RYR3: variants seen among roughly 807,000 people sequenced by gnomAD.
RYR3 encodes the protein ryanodine receptor 3.
RYR3 carries 207 observed loss-of-function variants against 584.3 expected under a neutral mutation model. The observed-to-expected ratio is 0.35, with a 90% CI of 0.32 to 0.40. The LOEUF is 0.40. Among genes scored for constraint, RYR3 ranks in the 10% least tolerant of loss-of-function variants. The probability of loss-of-function intolerance (pLI) is 1.00; values close to 1 mark genes in which losing one functional copy is unlikely to be tolerated. For synonymous variants in RYR3, 2,416 were observed against 2,248.5 expected (o/e 1.07, Z -2.11); for missense variants, 5,616 against 6,089.2 (o/e 0.92, Z 2.59).
chr15:33,648,728 G>C (rs2062255497), intron 30 of RYR3, among the ~76,000 whole-genome samples: 1 of 152,214 alleles, frequency 6.6e-6, no homozygotes, highest in Admixed American at 6.5e-5. Flanking sequence ...CCCAGGAGAG[G>C]GTTAGGGCTC....
chr15:33,349,706 C>G (rs866744516), intron 1 of RYR3, among the ~76,000 whole-genome samples: 3 of 149,298 alleles, frequency 2.0e-5, no homozygotes, highest in Non-Finnish European at 4.4e-5. Context: ...AACTCGTCAT[C>G]TAGCATTAGG....
Position 33,663,727 on chromosome 15 carries a change from C to A in RYR3, c.5609C>A (p.Pro1870Gln), listed in dbSNP as rs753308511. 3 of 1,605,854 alleles carry A rather than the reference C, an allele frequency of 1.9e-6. No individual in the cohort carries two copies. The highest frequency in any genetic ancestry group is 1.7e-5 in the Admixed American group (1 of 59,248). Residue 1870 changes from proline (P) to glutamine (Q), a missense_variant, in exon 36 of 104, where the codon CCA (proline) becomes CAA (glutamine). This residue lies in a region of RYR3 where 1,280 missense variants were observed against 1,426.2 expected (regional missense o/e 0.90). Transcript: ENST00000634891. ...AAGACCAAGGAGTTCCGCTCACCCC[C>A]ACAGGAGCAGGTGAGGGTCCTTCCT... ...ARKTKEFRSP[P>Q]QEQINMLLNF...
At chr15:33,608,201 T>G (rs2152562426) in intron 18 of RYR3, among the ~76,000 whole-genome samples, 1 of 152,324 alleles carries the variant, frequency 6.6e-6, no homozygotes, top group East Asian at 1.9e-4. Context: ...AAGTTGAGCC[T>G]CTAGTAAAAT....
chr15:33,817,907 GA>G (rs1360901921), intron 75 of RYR3, among the ~76,000 whole-genome samples: 1 of 152,162 alleles, frequency 6.6e-6, no homozygotes, highest in East Asian at 1.9e-4. Flanking sequence ...GCCACTGCTA[GA>G]AAATTCACTT....
At position 33,649,209 on chromosome 15, in the gene RYR3, G is replaced by A. The variant is rs1378593404; in HGVS notation, c.4116G>A (p.Gly1372=). The change falls in exon 31 of 104, where the codon GGG becomes GGA. Residue 1372 remains glycine (G), a synonymous_variant. Transcript: ENST00000634891. ...NKNCTVTVTL[G]DERGRVHESV... is the part of the protein sequence containing the mutation. ...ACTGCACAGTGACTGTCACCCTAGG[G>A]GATGAAAGAGGCCGGGTCCATGAAA... is the stretch of plus-strand genomic sequence containing the variant. 1 of 1,613,204 alleles carries A rather than the reference G, an allele frequency of 6.2e-7. No homozygotes were observed. The highest frequency in any genetic ancestry group is 1.3e-5 in the African/African-American group (1 of 74,904).
chr15:33,556,191 G>T (rs913510485), intron 10 of RYR3, among the ~76,000 whole-genome samples: 1 of 152,106 alleles, frequency 6.6e-6, no homozygotes, highest in Non-Finnish European at 1.5e-5. Context: ...GTAAACACAG[G>T]TGGCTTAATT....
chr15:33,699,786 T>C lies in RYR3; in HGVS notation c.6332T>C (p.Met2111Thr), dbSNP rs1303843073. ...CRISRQNQKA[M>T]FEHLSYLLEN... ...ATTAGCCGGCAAAATCAGAAGGCCA[T>C]GTTTGAGCATCTGAGTTATCTTCTG... Residue 2111 changes from methionine (M) to threonine (T), a missense_variant, in exon 41 of 104, where the codon ATG (methionine) becomes ACG (threonine). Around this residue, in one of 9 missense-constraint regions of RYR3, gnomAD observed 1,280 missense variants for 1,426.2 expected, o/e 0.90. Transcript: ENST00000634891. 4 of 1,613,752 alleles carry C rather than the reference T, an allele frequency of 2.5e-6. No homozygotes were observed. The highest frequency in any genetic ancestry group is 1.7e-5 in the Admixed American group (1 of 60,000).
intron 31 of RYR3, among the ~76,000 whole-genome samples, chr15:33,650,799 G>A (rs1051441019): frequency 1.3e-5 from 2 of 152,088 alleles, no homozygotes; most frequent in African/African-American, 4.8e-5. Context: ...CCTATAAGTG[G>A]ACCCACATAT....
rs1449808083 is a variant in RYR3 at position 33,623,848 on chromosome 15, T to G, written c.2399T>G (p.Phe800Cys). ...GGTGGACGTCATGGAGAGTTTAAGT[T>G]CCTGCCTCCCTCTGGCTATGCCCCT... ...LMGGRHGEFK[F>C]LPPSGYAPCY... is the part of the protein sequence containing the mutation. Residue 800 changes from phenylalanine (F) to cysteine (C), a missense_variant, in exon 20 of 104, where the codon TTC (phenylalanine) becomes TGC (cysteine). Coordinates refer to ENST00000634891, the MANE Select transcript of RYR3 (RefSeq NM_001036.6). The G allele has an allele frequency of 6.2e-7, 1 of 1,613,710 alleles. No individual in the cohort carries two copies. Among genetic ancestry groups the G allele is most frequent in the African/African-American group, 1.3e-5 (1 of 74,940 alleles).
At chr15:33,798,096 A>ATTTTATT (rs1555462256) in intron 67 of RYR3, among the ~76,000 whole-genome samples, 1 of 151,048 alleles carries the variant, frequency 6.6e-6, no homozygotes, top group Non-Finnish European at 1.5e-5. Flanking sequence ...TTATTTATTT[A>ATTTTATT]TTTTTTTTGA....
At chr15:33,723,227 G>A (rs2068081473) in intron 44 of RYR3, among the ~76,000 whole-genome samples, 1 of 152,198 alleles carries the variant, frequency 6.6e-6, no homozygotes, top group Non-Finnish European at 1.5e-5. Flanking sequence ...ACTTCAGCAT[G>A]TTTCCTTCAG....
At position 33,646,435 on chromosome 15, in the gene RYR3, G is replaced by C; in HGVS notation, c.3850G>C (p.Asp1284His). 6.2e-7 allele frequency: 1 copy of C among 1,613,936 alleles called. No individual in the cohort carries two copies. The highest frequency in any genetic ancestry group is 1.7e-5 in the Admixed American group (1 of 60,028). Reference protein sequence around the residue: ...KTFGTQNSNADMIYCRLSMPV... With the variant: ...KTFGTQNSNAHMIYCRLSMPV... ...ATTTGGCACACAGAATAGCAATGCCGACATGATCTATTGCCGCTTGAGCAT... is the reference window on the plus strand; with the variant it reads ...ATTTGGCACACAGAATAGCAATGCCCACATGATCTATTGCCGCTTGAGCAT... The change falls in exon 29 of 104, where the codon GAC (aspartate) becomes CAC (histidine). Residue 1284 changes from aspartate (D) to histidine (H), a missense_variant. Around this residue, in one of 9 missense-constraint regions of RYR3, gnomAD observed 753 missense variants for 741.0 expected, o/e 1.02. Transcript: ENST00000634891.
chr15:33,589,014 A>C (rs937521700), intron 16 of RYR3, among the ~76,000 whole-genome samples: 1 of 152,172 alleles, frequency 6.6e-6, no homozygotes, highest in Non-Finnish European at 1.5e-5. Flanking sequence ...ATCTATTTTT[A>C]GTTCTTTGAG....
chr15:33,341,696 T>C (rs1971841834), intron 1 of RYR3, among the ~76,000 whole-genome samples: 1 of 152,170 alleles, frequency 6.6e-6, no homozygotes, highest in Non-Finnish European at 1.5e-5. Context: ...ATGGAACCCT[T>C]GTTGAAAAAG....
chr15:33,463,664 C>T (rs998808810), intron 1 of RYR3, among the ~76,000 whole-genome samples: 30 of 152,214 alleles, frequency 2.0e-4, no homozygotes, highest in African/African-American at 7.0e-4. Context: ...CATGCCGCTA[C>T]ATCTCCCTAA....
At chr15:33,661,532 C>T (rs2063162222) in intron 34 of RYR3, among the ~76,000 whole-genome samples, 1 of 152,066 alleles carries the variant, frequency 6.6e-6, no homozygotes, top group South Asian at 2.1e-4. Flanking sequence ...ACAGTTTTTC[C>T]ACAGACAGTG....
chr15:33,574,989 A>G (rs2152504006), intron 12 of RYR3, among the ~76,000 whole-genome samples: 1 of 152,344 alleles, frequency 6.6e-6, no homozygotes, highest in Non-Finnish European at 1.5e-5. Context: ...TTAGTTTCTG[A>G]CAAGACAGAC....
chr15:33,685,454 T>G (rs574922737), intron 38 of RYR3, among the ~76,000 whole-genome samples: 3 of 152,242 alleles, frequency 2.0e-5, no homozygotes, highest in Non-Finnish European at 2.9e-5. Context: ...AGCAAGTCCT[T>G]AGAGACCTAC....
At chr15:33,495,076 C>T (rs1312835937) in intron 2 of RYR3, among the ~76,000 whole-genome samples, 1 of 152,182 alleles carries the variant, frequency 6.6e-6, no homozygotes, top group East Asian at 1.9e-4. Context: ...AATATTCCCA[C>T]CTGCCTAAGT....
Sources: allele counts gnomAD v4.1 joint callset (sites outside exome capture counted in the v4.1 genomes callset), GRCh38; gene constraint gnomAD v4.1.1; regional missense constraint gnomAD v4.1.1; transcripts MANE v1.5; gene names NCBI Gene and HGNC (gene_info 2026-07-23, HGNC 2026-07-21).